The following SAFB variants were observed in gnomAD, a reference collection of about 807,000 sequenced individuals.
SAFB encodes the protein scaffold attachment factor B.
SAFB carries 15 observed loss-of-function variants against 101.6 expected under a neutral mutation model. That is an observed-to-expected ratio of 0.15 (90% CI 0.10 to 0.23). The LOEUF is 0.23. Among genes scored for constraint, SAFB ranks in the 10% least tolerant of loss-of-function variants. The pLI, the probability that SAFB is intolerant of heterozygous loss-of-function variation, is 1.00. For synonymous variants in SAFB, 449 were observed against 407.5 expected, an observed-to-expected ratio of 1.10 and a Z score of -1.23; for missense variants, 930 against 1,104.1, an observed-to-expected ratio of 0.84 and a Z score of 2.23.
intron 14 of SAFB, among the ~76,000 whole-genome samples, chr19:5,659,543 A>G (rs375846592): frequency 2.0e-5 from 3 of 152,014 alleles, no homozygotes; most frequent in African/African-American, 4.8e-5. Flanking sequence ...CATCATGCCC[A>G]GCTAATTTTT....
intron 5 of SAFB, among the ~76,000 whole-genome samples, chr19:5,647,452 T>G (rs2053849274): frequency 6.6e-6 from 1 of 152,130 alleles, no homozygotes; most frequent in South Asian, 2.1e-4. Context: ...TGGACAGGGC[T>G]TCCTGGGAAG....
chr19:5,634,356 T>C (rs1467911987), intron 2 of SAFB, among the ~76,000 whole-genome samples: 1 of 152,068 alleles, frequency 6.6e-6, no homozygotes, highest in Non-Finnish European at 1.5e-5. Context: ...AGGGATTTCC[T>C]CTAATTTTGA....
intron 2 of SAFB, among the ~76,000 whole-genome samples, chr19:5,640,570 C>T (rs569425995): frequency 1.3e-5 from 2 of 151,954 alleles, no homozygotes; most frequent in Admixed American, 6.6e-5. Context: ...AAAAAAAAAC[C>T]TTCCTCTGCA....
chr19:5,648,136 C>G, intron 6 of SAFB, 93 bp downstream of exon 6: 1 of 1,083,996 alleles, frequency 9.2e-7, no homozygotes, highest in Non-Finnish European at 1.4e-6. Context: ...TTAAAAGTTA[C>G]CTTACTATAG....
At chr19:5,638,154 A>G (rs2145420389) in intron 2 of SAFB, among the ~76,000 whole-genome samples, 1 of 152,312 alleles carries the variant, frequency 6.6e-6, no homozygotes, top group African/African-American at 2.4e-5. Flanking sequence ...ACTGTTGCAA[A>G]TGTTATAAAT....
At chr19:5,640,843 G>A (rs1240845350) in intron 2 of SAFB, among the ~76,000 whole-genome samples, 1 of 152,054 alleles carries the variant, frequency 6.6e-6, no homozygotes, top group East Asian at 1.9e-4. Flanking sequence ...CACCTGTCTC[G>A]GCCTCCTAAT....
chr19:5,654,987 T>G (rs2054021947), intron 13 of SAFB, among the ~76,000 whole-genome samples: 1 of 152,248 alleles, frequency 6.6e-6, no homozygotes, highest in Non-Finnish European at 1.5e-5. Flanking sequence ...GGCTTTTCCC[T>G]GAGTCGGTGT....
In SAFB at chr19:5,661,668, C is replaced by A; in HGVS notation, c.2013C>A (p.Arg671=). ...RERMERERLE[R]ERMHVEHERR... ...GCATGGAGCGGGAACGGCTGGAGCG[C>A]GAACGCATGCACGTGGAGCACGAGC... The change falls in exon 15 of 21, where the codon CGC becomes CGA. Residue 671 remains arginine (R), a synonymous_variant. Transcript: ENST00000588852. 1 of 1,611,188 alleles carries A rather than the reference C, an allele frequency of 6.2e-7. No individual in the cohort carries two copies. Among genetic ancestry groups the A allele is most frequent in the Non-Finnish European group, 8.5e-7 (1 of 1,179,300 alleles).
intron 2 of SAFB, among the ~76,000 whole-genome samples, chr19:5,629,356 A>G (rs2053438810): frequency 6.6e-6 from 1 of 152,172 alleles, no homozygotes. Flanking sequence ...GCTTAAGCCC[A>G]AGAGGTCAAG....
chr19:5,647,536 A>G (rs1028432510), intron 5 of SAFB, among the ~76,000 whole-genome samples: 3 of 152,174 alleles, frequency 2.0e-5, no homozygotes, highest in Admixed American at 6.5e-5. Flanking sequence ...GAGGGTATTT[A>G]CAAAGTTTTT....
chr19:5,650,364 T>C (rs1034301154), intron 8 of SAFB, among the ~76,000 whole-genome samples: 1 of 152,244 alleles, frequency 6.6e-6, no homozygotes, highest in African/African-American at 2.4e-5. Context: ...CAAGGTTGAC[T>C]GTTCTGCTAC....
intron 2 of SAFB, among the ~76,000 whole-genome samples, chr19:5,628,863 G>A (rs755170679): frequency 6.6e-6 from 1 of 152,242 alleles, no homozygotes; most frequent in African/African-American, 2.4e-5. Flanking sequence ...AACAGAGCCT[G>A]TGGATCTCCT....
At chr19:5,660,780 C>T (rs901295064) in intron 14 of SAFB, among the ~76,000 whole-genome samples, 7 of 149,746 alleles carry the variant, frequency 4.7e-5, no homozygotes, top group Admixed American at 4.0e-4. Context: ...TGGAGAAATG[C>T]ACTAAAATGT....
chr19:5,623,092 G>A lies in SAFB; in HGVS notation c.-114G>A. On this transcript the variant is annotated 5_prime_UTR_variant, in exon 1 of 21. Coordinates refer to ENST00000588852, the MANE Select transcript of SAFB (RefSeq NM_001201338.2). ...CTTGGTGCGCCTGCGCAGAAGCGAG[G>A]CGCGCTGGGGCGACTGGAGCGGTTC... 2.7e-6 allele frequency: 3 copies of A among 1,120,808 alleles called. No individual in the cohort carries two copies. Among genetic ancestry groups the A allele is most frequent in the Non-Finnish European group, 3.8e-6 (3 of 780,364 alleles). The allele number at this position is 1,120,808 out of a possible 1,614,324, so 69.4% of individuals were successfully genotyped here.
chr19:5,647,617 G>T, intron 5 of SAFB, among the ~76,000 whole-genome samples: 1 of 152,312 alleles, frequency 6.6e-6, no homozygotes, highest in Middle Eastern at 3.4e-3. Flanking sequence ...TCAGTCTTTC[G>T]AATATCAGAA....
intron 2 of SAFB, among the ~76,000 whole-genome samples, chr19:5,638,447 C>T (rs533975861): frequency 3.9e-5 from 6 of 152,010 alleles, no homozygotes; most frequent in Admixed American, 1.3e-4. Flanking sequence ...ACCCCCCCAC[C>T]GAGTAGCTGG....
In SAFB at chr19:5,641,649, G is replaced by A. The variant is rs1297232230; in HGVS notation, c.330G>A (p.Gly110=). ...VEDNGLEENS[G]DGQEDVETSL... Reference sequence around the variant, plus strand: ...ATAACGGGCTGGAGGAAAACTCTGGGGATGGACAGGTATGTGCAGCCTTGC... The same window carrying A: ...ATAACGGGCTGGAGGAAAACTCTGGAGATGGACAGGTATGTGCAGCCTTGC... Residue 110 remains glycine (G), a synonymous_variant, in exon 3 of 21, where the codon GGG becomes GGA. Transcript: ENST00000588852. 6.2e-7 allele frequency: 1 copy of A among 1,614,020 alleles called. No homozygotes were observed. The highest frequency in any genetic ancestry group is 1.3e-5 in the African/African-American group (1 of 74,980).
At chr19:5,651,588 C>T (rs1279363898) in intron 9 of SAFB, among the ~76,000 whole-genome samples, 2 of 152,160 alleles carry the variant, frequency 1.3e-5, no homozygotes, top group African/African-American at 4.8e-5. Context: ...GTTCTAGTGG[C>T]CTCTTGTCTG....
chr19:5,661,231 T>C (rs536216339), intron 14 of SAFB, among the ~76,000 whole-genome samples: 1 of 152,184 alleles, frequency 6.6e-6, no homozygotes, highest in East Asian at 1.9e-4. Context: ...TGTTGCTTAT[T>C]TTTGACTGGC....
Sources: gnomAD v4.1 joint callset for allele counts (sites outside exome capture counted in the v4.1 genomes callset) on GRCh38, gnomAD v4.1.1 for gene constraint, MANE v1.5 for transcripts, NCBI Gene and HGNC (gene_info 2026-07-23, HGNC 2026-07-21) for gene names.